FGD4: variants seen among roughly 807,000 people sequenced by gnomAD.
FGD4 encodes the protein FYVE, RhoGEF and PH domain containing 4.
In FGD4, 42 loss-of-function variants were observed where a neutral mutation model predicts 102.0. That is an observed-to-expected ratio of 0.41 (90% CI 0.32 to 0.53). The LOEUF (loss-of-function observed/expected upper bound fraction) is 0.53. Ranked by LOEUF, FGD4 falls within the 20% of genes least tolerant of loss-of-function variation. FGD4 has a pLI of 0.21. For synonymous variants in FGD4, 380 were observed against 375.7 expected (o/e 1.01, Z -0.13); for missense variants, 902 against 1,078.2 (o/e 0.84, Z 2.29).
At position 32,540,429 on chromosome 12, in the gene FGD4, CAT is replaced by C. The variant is rs1238761184; in HGVS notation, c.167-23705_167-23704del. The stretch of plus-strand genomic sequence containing the variant: ...CAACGTATGCAAAAGCAGAGAGAAA[CAT>C]ATGAAAAGAGAACTGTGTTTTCCAG... On this transcript the variant is annotated intron_variant, in intron 1 of 16. Transcript: ENST00000534526. Among the ~76,000 whole-genome samples, 20 of 152,188 alleles carry C rather than the reference CAT, an allele frequency of 1.3e-4. No homozygotes were observed. The East Asian group carries it at 1.4e-3, about 10-fold the overall frequency.
At chr12:32,638,182 T>A (rs916518505) in intron 15 of FGD4, among the ~76,000 whole-genome samples, 4 of 152,138 alleles carry the variant, frequency 2.6e-5, no homozygotes, top group African/African-American at 9.7e-5. Flanking sequence ...GGCAATGTAG[T>A]GAGACCCTGT....
chr12:32,447,046 T>G (rs1259385425), intron 1 of FGD4, among the ~76,000 whole-genome samples: 1 of 152,178 alleles, frequency 6.6e-6, no homozygotes, highest in African/African-American at 2.4e-5. Flanking sequence ...TTATTTTGTT[T>G]GAGTCCCTAT....
intron 1 of FGD4, among the ~76,000 whole-genome samples, chr12:32,421,972 C>T (rs1941642597): frequency 6.6e-6 from 1 of 151,582 alleles, no homozygotes; most frequent in Admixed American, 6.6e-5. Flanking sequence ...AACCCTGTCT[C>T]TACTAAAAAA....
chr12:32,573,301 T>C (rs2136348200), intron 2 of FGD4, among the ~76,000 whole-genome samples: 1 of 152,332 alleles, frequency 6.6e-6, no homozygotes, highest in Middle Eastern at 3.4e-3. Flanking sequence ...TTCACCGTGT[T>C]AGCCAGGTTG....
intron 4 of FGD4, among the ~76,000 whole-genome samples, chr12:32,587,825 A>G (rs2136485920): frequency 6.6e-6 from 1 of 152,320 alleles, no homozygotes; most frequent in South Asian, 2.1e-4. Context: ...GTACTCTTAT[A>G]CTAAGTTTAT....
chr12:32,399,755 A>T lies in FGD4; in HGVS notation c.-39A>T. ...CAGGGGCCGCTCGCGGCTGGACGGG[A>T]GCGGGAGGAGTCGGGGAGCGGCGGT... On this transcript the variant is annotated 5_prime_UTR_variant, in exon 1 of 17. Coordinates refer to ENST00000534526, the MANE Select transcript of FGD4 (RefSeq NM_001370298.3). 6.6e-7 allele frequency: 1 copy of T among 1,524,272 alleles called. No individual in the cohort carries two copies. 94.4% of individuals were successfully genotyped at this position (1,524,272 alleles called of 1,614,324 possible).
At chr12:32,412,160 T>A (rs1565725059) in intron 1 of FGD4, among the ~76,000 whole-genome samples, 1 of 152,176 alleles carries the variant, frequency 6.6e-6, no homozygotes, top group Non-Finnish European at 1.5e-5. Context: ...CTGTGGAGAA[T>A]GAATGGATGA....
At chr12:32,408,814 T>A (rs894442049) in intron 1 of FGD4, among the ~76,000 whole-genome samples, 2 of 152,210 alleles carry the variant, frequency 1.3e-5, no homozygotes, top group Admixed American at 1.3e-4. Context: ...TGTACCTTTT[T>A]AAAGCTCTTT....
intron 4 of FGD4, among the ~76,000 whole-genome samples, chr12:32,596,496 A>G (rs919772305): frequency 1.3e-5 from 2 of 152,194 alleles, no homozygotes; most frequent in African/African-American, 4.8e-5. Context: ...CTGAATGTAC[A>G]TAGTATGGAT....
Position 32,408,199 on chromosome 12 carries a change from G to A in FGD4, c.166+8240G>A, listed in dbSNP as rs184318185. On this transcript the variant is annotated intron_variant, in intron 1 of 16. Coordinates refer to ENST00000534526, the MANE Select transcript of FGD4 (RefSeq NM_001370298.3). ...TTTTTTTTTTTTGAGACAGAATTTC[G>A]CTCTCGTTGCCCAAGCTGTAGTGCA... is the stretch of plus-strand genomic sequence containing the variant. 5.8e-3 allele frequency among the ~76,000 whole-genome samples: 761 copies of A among 131,180 alleles called. 8 individuals carry two copies. Among genetic ancestry groups the A allele is most frequent in the Non-Finnish European group, 7.2e-3 (460 of 64,054 alleles). The allele number at this position is 131,180 out of a possible 152,430, so 86.1% of individuals were successfully genotyped here.
At chr12:32,412,898 A>ATTTTTT (rs1203601981) in intron 1 of FGD4, among the ~76,000 whole-genome samples, 3 of 83,946 alleles carry the variant, frequency 3.6e-5, no homozygotes, top group African/African-American at 1.4e-4. Flanking sequence ...CTTTTCTAGA[A>ATTTTTT]ATTTTTTTTT....
chr12:32,588,680 C>T (rs1030606688), intron 4 of FGD4, among the ~76,000 whole-genome samples: 1 of 152,184 alleles, frequency 6.6e-6, no homozygotes, highest in Non-Finnish European at 1.5e-5. Context: ...AATCAGAAGT[C>T]TTCCCAGCAT....
chr12:32,507,294 G>A (rs1938872261), intron 1 of FGD4, among the ~76,000 whole-genome samples: 1 of 152,028 alleles, frequency 6.6e-6, no homozygotes, highest in Non-Finnish European at 1.5e-5. Context: ...ATTCCATGGT[G>A]TATATGTGCC....
chr12:32,472,855 A>G (rs1019057500), intron 1 of FGD4, among the ~76,000 whole-genome samples: 5 of 152,162 alleles, frequency 3.3e-5, no homozygotes, highest in Admixed American at 6.5e-5. Flanking sequence ...GAGTGCACCA[A>G]TCGACACTGT....
intron 1 of FGD4, among the ~76,000 whole-genome samples, chr12:32,431,309 T>C (rs1201938208): frequency 6.6e-6 from 1 of 152,208 alleles, no homozygotes; most frequent in Non-Finnish European, 1.5e-5. Flanking sequence ...GTATCACTGA[T>C]ACATGCAAAA....
At chr12:32,594,119 C>T (rs551274388) in intron 4 of FGD4, among the ~76,000 whole-genome samples, 16 of 152,280 alleles carry the variant, frequency 1.1e-4, no homozygotes, top group Admixed American at 3.9e-4. Flanking sequence ...CCGTAGGCCA[C>T]GGACTGGTAC....
intron 1 of FGD4, among the ~76,000 whole-genome samples, chr12:32,402,359 C>T (rs1398249045): frequency 1.3e-5 from 2 of 151,638 alleles, no homozygotes; most frequent in African/African-American, 4.9e-5. Context: ...GATCGTTTCA[C>T]TGTATTCCAG....
chr12:32,530,941 GTTTTTTTTTTTTTT>G (rs768536136), intron 1 of FGD4, among the ~76,000 whole-genome samples: 1 of 70,466 alleles, frequency 1.4e-5, no homozygotes, highest in East Asian at 5.1e-4. Flanking sequence ...CCTAGCTTTG[GTTTTTTTTTTTTTT>G]TTTTTTTTTT....
intron 1 of FGD4, among the ~76,000 whole-genome samples, chr12:32,562,954 C>A (rs1016833841): frequency 1.3e-5 from 2 of 152,128 alleles, no homozygotes; most frequent in Non-Finnish European, 2.9e-5. Flanking sequence ...GGGTGGTGGC[C>A]GGGCAGAGGG....
Sources: allele counts gnomAD v4.1 joint callset (sites outside exome capture counted in the v4.1 genomes callset), GRCh38; gene constraint gnomAD v4.1.1; transcripts MANE v1.5; gene names NCBI Gene and HGNC (gene_info 2026-07-23, HGNC 2026-07-21).